The following TRIP13 variants were observed in gnomAD, a reference collection of about 807,000 sequenced individuals.
TRIP13 encodes the protein thyroid hormone receptor interactor 13.
A neutral mutation model predicts 54.4 loss-of-function variants in TRIP13; 25 were observed. The observed-to-expected ratio is 0.46, with a 90% confidence interval of 0.33 to 0.64. TRIP13 has a LOEUF of 0.64. TRIP13 is among the 30% of genes least tolerant of loss of function. TRIP13 has a pLI of 0.02. For missense variants in TRIP13, 373 were observed against 534.2 expected, an observed-to-expected ratio of 0.70 and a Z score of 2.97; for synonymous variants, 207 against 207.8, an observed-to-expected ratio of 1.00 and a Z score of 0.03.
Position 914,697 on chromosome 5 carries a change from AG to A in TRIP13, c.1133+122del, listed in dbSNP as rs2150692112. ...TGGGTGTGAACTCTCAACACAGTAT[AG>A]GTATGAACATGCATGTACACACGTG... On this transcript the variant is annotated intron_variant, in intron 11 of 12. Transcript: ENST00000166345. 12 of 752,908 alleles carry A rather than the reference AG, an allele frequency of 1.6e-5. No individual in the cohort carries two copies. The South Asian group carries it at 1.7e-4, about 11-fold the overall frequency. The allele number at this position is 752,908 out of a possible 1,614,324, so 46.6% of individuals were successfully genotyped here. A position where few individuals can be genotyped will look rare whatever the true frequency, so the allele number is the denominator to read the frequency against.
rs911530274 is a variant in TRIP13, at chr5:912,719, C to T, written c.1020+723C>T. ...GTGGTGAGTGTGCGTGAGTCTGGAA[C>T]GCCGTCGCCATGGGCAGTGACGCTG... On this transcript the variant is annotated intron_variant, in intron 10 of 12. Transcript: ENST00000166345. This position sits in a 1 kb window ranked among gnomAD's most constrained non-coding sequence, Gnocchi z 7.2. 8.7e-5 allele frequency among the ~76,000 whole-genome samples: 13 copies of T among 150,056 alleles called. No homozygotes were observed. In the South Asian group the frequency reaches 2.1e-3, roughly 25 times the overall value.
chr5:894,789 C>T lies in TRIP13; in HGVS notation c.95C>T (p.Thr32Ile), dbSNP rs768086046. ...TGTGTTTTGGCTTCTTTTTTTAGCA[C>T]TGCAAAGAAAGAAGACATAAACCTG... ...HVEVHQRGSS[T>I]AKKEDINLSV... The change falls in exon 2 of 13, where the codon ACT becomes ATT. Residue 32 changes from threonine (T) to isoleucine (I), a missense_variant and splice_region_variant. Physicochemically the swap from Thr to Ile is moderately conservative, Grantham distance 89 (BLOSUM62 -1). This residue lies in a region of TRIP13 where 151 missense variants were observed against 151.9 expected (regional missense o/e 0.99). Coordinates refer to ENST00000166345, the MANE Select transcript of TRIP13 (RefSeq NM_004237.4). 1.6e-5 allele frequency: 26 copies of T among 1,594,642 alleles called. No homozygotes were observed. The South Asian group carries it at 2.8e-4, about 17-fold the overall frequency.
At chr5:903,119 G>A (rs1452533028) in intron 5 of TRIP13, among the ~76,000 whole-genome samples, 1 of 152,034 alleles carries the variant, frequency 6.6e-6, no homozygotes, top group Non-Finnish European at 1.5e-5. Context: ...GAGGGGTAGA[G>A]TCTTCTCTAA....
intron 5 of TRIP13, among the ~76,000 whole-genome samples, chr5:902,033 T>A (rs1448232404): frequency 6.6e-6 from 1 of 152,232 alleles, no homozygotes; most frequent in East Asian, 1.9e-4. Context: ...ATGTAGACTA[T>A]TTTTTCCTAC....
At chr5:903,237 C>T (rs1754034695) in intron 5 of TRIP13, among the ~76,000 whole-genome samples, 3 of 152,132 alleles carry the variant, frequency 2.0e-5, no homozygotes, top group African/African-American at 7.2e-5. Context: ...CAGCGGGCTT[C>T]TTCCCAGACG....
Position 893,083 on chromosome 5 carries a change from G to T in TRIP13, c.85G>T (p.Gly29Cys). ...PTVHVEVHQR[G>C]SSTAKKEDIN... ...GGTCCACGTGGAGGTGCATCAGCGC[G>T]GCAGCAGGTGAGCCGGACCTGTCCG... The change falls in exon 1 of 13, where the codon GGC (glycine) becomes TGC (cysteine). Residue 29 changes from glycine (G) to cysteine (C), a missense_variant. Physicochemically the swap from Gly to Cys is radical, Grantham distance 159. Transcript: ENST00000166345. 2 of 1,593,694 alleles carry T rather than the reference G, an allele frequency of 1.3e-6. No individual in the cohort carries two copies. Among genetic ancestry groups the T allele is most frequent in the Non-Finnish European group, 1.7e-6 (2 of 1,175,604 alleles).
chr5:896,944 C>T (rs1400952138), intron 3 of TRIP13, 150 bp downstream of exon 3: 8 of 995,772 alleles, frequency 8.0e-6, no homozygotes, highest in African/African-American at 1.6e-5. Context: ...AAGTATATCA[C>T]AAAAGAGGAA....
rs180950259 is a variant in TRIP13, at chr5:901,185, A to G, written c.445-156A>G. 2.0e-5 allele frequency among the ~76,000 whole-genome samples: 3 copies of G among 152,212 alleles called. No homozygotes were observed. In the East Asian group the frequency reaches 5.8e-4, roughly 29 times the overall value. On this transcript the variant is annotated intron_variant, in intron 4 of 12. Coordinates refer to ENST00000166345, the MANE Select transcript of TRIP13 (RefSeq NM_004237.4). ...CTTTTGGAAGCACCTTCTCTTCTGA[A>G]ATGAAAGCGTTTGGAGGTGATGATC...
In TRIP13 at chr5:911,997, G is replaced by A; in HGVS notation, c.1020+1G>A. 6.3e-7 allele frequency: 1 copy of A among 1,597,424 alleles called. No individual in the cohort carries two copies. ...CTCTTGTTTGGAAGAACTGATGAAG[G>A]TACCTTTATTTTTTTTTTCCTCTTG... On this transcript the variant is annotated splice_donor_variant, in intron 10 of 12. Coordinates refer to ENST00000166345, the MANE Select transcript of TRIP13 (RefSeq NM_004237.4). LOFTEE classifies it high-confidence loss of function. The surrounding 1 kb of genome is among the most constrained non-coding windows in gnomAD (Gnocchi z 4.7).
At position 911,520 on chromosome 5, in the gene TRIP13, G is replaced by A. The variant is rs569341875; in HGVS notation, c.867-323G>A. Among the ~76,000 whole-genome samples the A allele has an allele frequency of 3.3e-5, 5 of 151,676 alleles. No homozygotes were observed. Among genetic ancestry groups the A allele is most frequent in the African/African-American group, 1.2e-4 (5 of 41,350 alleles). Reference sequence around the variant, plus strand: ...GGCGAGGCGGAGCTTGCAGTGAGCCGAGATAGCACCACTGCACTCCAGCCT... The same window carrying A: ...GGCGAGGCGGAGCTTGCAGTGAGCCAAGATAGCACCACTGCACTCCAGCCT... On this transcript the variant is annotated intron_variant, in intron 9 of 12. Coordinates refer to ENST00000166345, the MANE Select transcript of TRIP13 (RefSeq NM_004237.4). The surrounding 1 kb of genome is among the most constrained non-coding windows in gnomAD (Gnocchi z 4.7).
rs753514251 is a variant in TRIP13 at position 894,827 on chromosome 5, C to T, written c.133C>T (p.Leu45=). The change falls in exon 2 of 13, where the codon CTA becomes TTA. Residue 45 remains leucine, a synonymous_variant. Coordinates refer to ENST00000166345, the MANE Select transcript of TRIP13 (RefSeq NM_004237.4). ...AGACATAAACCTGAGTGTTAGAAAG[C>T]TACTCAACAGACATAATATTGTGTT... ...KEDINLSVRK[L]LNRHNIVFGD... The T allele has an allele frequency of 1.2e-5, 19 of 1,612,290 alleles. No individual in the cohort carries two copies. The highest frequency in any genetic ancestry group is 1.6e-5 in the Non-Finnish European group (19 of 1,179,520).
At position 915,972 on chromosome 5, in the gene TRIP13, A is replaced by G. The variant is rs1161783357; in HGVS notation, c.1202A>G (p.Gln401Arg). Residue 401 changes from glutamine to arginine, a missense_variant and splice_region_variant, in exon 12 of 13, where the codon CAG (glutamine) becomes CGG (arginine). Physicochemically the swap from Gln to Arg is conservative, Grantham distance 43. Transcript: ENST00000166345. This position sits in a 1 kb window ranked among gnomAD's most constrained non-coding sequence, Gnocchi z 4.2. ...LPFLAHALYV[Q>R]APTVTIEGFL... ...TTTCTGGCTCATGCGCTGTATGTCC[A>G]GGTGAGTCTCCACTGCTGTCCTCCA... 10 of 1,613,944 alleles carry G rather than the reference A, an allele frequency of 6.2e-6. No individual in the cohort carries two copies. The highest frequency in any genetic ancestry group is 8.5e-6 in the Non-Finnish European group (10 of 1,179,948).
Position 894,845 on chromosome 5 carries a change from A to G in TRIP13, c.151A>G (p.Ile51Val). 6.2e-7 allele frequency: 1 copy of G among 1,613,996 alleles called. No individual in the cohort carries two copies. The highest frequency in any genetic ancestry group is 8.5e-7 in the Non-Finnish European group (1 of 1,179,952). ...TAGAAAGCTACTCAACAGACATAAT[A>G]TTGTGTTTGGTGATTACACATGGAC... The part of the protein sequence containing the change: ...SVRKLLNRHN[I>V]VFGDYTWTEF... Residue 51 changes from isoleucine (I) to valine (V), a missense_variant, in exon 2 of 13, where the codon ATT becomes GTT. Around this residue, in one of 4 missense-constraint regions of TRIP13, gnomAD observed 151 missense variants for 151.9 expected, o/e 0.99. Transcript: ENST00000166345.
chr5:905,996 A>G (rs72703182), intron 6 of TRIP13, among the ~76,000 whole-genome samples: 13,535 of 152,260 alleles, frequency 0.089, 939 homozygotes, highest in African/African-American at 0.19. Context: ...CAGGTGGATC[A>G]TTTGAAACCA....
rs962560860 is a variant in TRIP13, at chr5:908,156, G to T, written c.759+82G>T. 2 of 1,527,398 alleles carry T rather than the reference G, an allele frequency of 1.3e-6. No homozygotes were observed. The highest frequency in any genetic ancestry group is 1.8e-6 in the Non-Finnish European group (2 of 1,102,406). 94.6% of individuals were successfully genotyped at this position (1,527,398 alleles called of 1,614,324 possible). ...ACACAGCCTACTCCTGATGCTCCTA[G>T]CTTTCCCCTCCTACAGCCGGGCTGC... On this transcript the variant is annotated intron_variant, in intron 8 of 12. Coordinates refer to ENST00000166345, the MANE Select transcript of TRIP13 (RefSeq NM_004237.4). This position sits in a 1 kb window ranked among gnomAD's most constrained non-coding sequence, Gnocchi z 5.2.
chr5:914,057 G>A (rs1011418694), intron 10 of TRIP13, among the ~76,000 whole-genome samples: 1 of 152,146 alleles, frequency 6.6e-6, no homozygotes, highest in African/African-American at 2.4e-5. Context: ...TGCTTTGGAA[G>A]TCAGTGGAAG....
chr5:916,278 T>C (rs984545230), intron 12 of TRIP13, among the ~76,000 whole-genome samples: 1 of 152,214 alleles, frequency 6.6e-6, no homozygotes, highest in Non-Finnish European at 1.5e-5. Flanking sequence ...CAGAGGTTTG[T>C]GCTCTTTCAG....
At chr5:904,415 A>T (rs1709175150) in intron 6 of TRIP13, among the ~76,000 whole-genome samples, 195 bp downstream of exon 6, 1 of 152,186 alleles carries the variant, frequency 6.6e-6, no homozygotes, top group Non-Finnish European at 1.5e-5. Context: ...CTTGATTGCC[A>T]GCACATGATC....
At chr5:909,509 C>T (rs1322115531) in intron 9 of TRIP13, among the ~76,000 whole-genome samples, 2 of 151,998 alleles carry the variant, frequency 1.3e-5, no homozygotes, top group Admixed American at 6.6e-5. Flanking sequence ...GAGAAGCGCT[C>T]GTTTTGGGGT....
Sources: gnomAD v4.1 joint callset for allele counts (sites outside exome capture counted in the v4.1 genomes callset) on GRCh38, gnomAD v4.1.1 for gene constraint, gnomAD v4.1.1 regional missense constraint, Gnocchi (gnomAD v3.1) non-coding constraint, MANE v1.5 for transcripts, NCBI Gene and HGNC (gene_info 2026-07-23, HGNC 2026-07-21) for gene names.